The following TRAK2 variants were observed in gnomAD, a reference collection of about 807,000 sequenced individuals.
The protein encoded by TRAK2 is trafficking kinesin protein 2.
In TRAK2, 81 loss-of-function variants were observed where a neutral mutation model predicts 104.6. The observed-to-expected ratio is 0.77, with a 90% CI of 0.65 to 0.93. The LOEUF (loss-of-function observed/expected upper bound fraction) is 0.93, where lower values mean the gene tolerates loss of function less well. Ranked by LOEUF, TRAK2 falls within the 40% of genes least tolerant of loss-of-function variation. The probability of loss-of-function intolerance (pLI) is 0.00; values close to 1 mark genes in which losing one functional copy is unlikely to be tolerated. For synonymous variants in TRAK2, 406 were observed against 394.4 expected (o/e 1.03, Z -0.35); for missense variants, 1,002 against 1,089.0 (o/e 0.92, Z 1.12).
intron 3 of TRAK2, among the ~76,000 whole-genome samples, chr2:201,403,873 A>T (rs1400318258): frequency 2.6e-5 from 4 of 152,204 alleles, no homozygotes; most frequent in African/African-American, 9.6e-5. Flanking sequence ...CAGAATTTTC[A>T]AATTCTTATG....
Position 201,388,037 on chromosome 2 carries a change from G to T in TRAK2, c.1398-36C>A, listed in dbSNP as rs746093372. 3.1e-6 allele frequency: 5 copies of T among 1,605,140 alleles called. No individual in the cohort carries two copies. The Admixed American group carries it at 8.3e-5, about 27-fold the overall frequency. Reference sequence around the variant, plus strand: ...ATCGCGTTCACTGATTAGATCTTGAGGATCATCAGCATGACCCAGACCTCT... The same window carrying T: ...ATCGCGTTCACTGATTAGATCTTGATGATCATCAGCATGACCCAGACCTCT... On this transcript the variant is annotated intron_variant, in intron 12 of 15. Coordinates refer to ENST00000332624, the MANE Select transcript of TRAK2 (RefSeq NM_015049.3).
intron 1 of TRAK2, among the ~76,000 whole-genome samples, chr2:201,422,610 G>A (rs1239147630): frequency 6.6e-6 from 1 of 152,174 alleles, no homozygotes; most frequent in Non-Finnish European, 1.5e-5. Flanking sequence ...GCAAATCCTA[G>A]GGAGGAGAGT....
At chr2:201,410,844 G>A in intron 2 of TRAK2, 1 of 1,601,568 alleles carries the variant, frequency 6.2e-7, no homozygotes, top group Non-Finnish European at 8.6e-7. Context: ...GTCTTTGTTG[G>A]GTTGGCTTCG....
chr2:201,386,886 C>G (rs1456654073), intron 13 of TRAK2, among the ~76,000 whole-genome samples: 1 of 152,108 alleles, frequency 6.6e-6, no homozygotes, highest in African/African-American at 2.4e-5. Flanking sequence ...AGCCAGGCTC[C>G]CAGGGAGAAT....
At chr2:201,402,354 T>C (rs954096512) in intron 3 of TRAK2, among the ~76,000 whole-genome samples, 4 of 152,104 alleles carry the variant, frequency 2.6e-5, no homozygotes, top group African/African-American at 9.7e-5. Flanking sequence ...CTGGCACCAC[T>C]GACTAAAATG....
At chr2:201,443,427 C>T (rs977227375) in intron 1 of TRAK2, among the ~76,000 whole-genome samples, 2 of 152,224 alleles carry the variant, frequency 1.3e-5, no homozygotes, top group African/African-American at 4.8e-5. Flanking sequence ...ATCCCATTCC[C>T]TCCCCTTGGT....
At position 201,394,966 on chromosome 2, in the gene TRAK2, G is replaced by T. The variant is rs1048589326; in HGVS notation, c.901-94C>A. Reference sequence around the variant, plus strand: ...AGACATGTGAAGAATTTCTCTCTGGGGTATCATCTTAAAGCCTACAAAAAG... The same window carrying T: ...AGACATGTGAAGAATTTCTCTCTGGTGTATCATCTTAAAGCCTACAAAAAG... On this transcript the variant is annotated intron_variant, in intron 8 of 15. Transcript: ENST00000332624. The T allele has an allele frequency of 2.1e-5, 23 of 1,112,500 alleles. No homozygotes were observed. In the African/African-American group the frequency reaches 3.3e-4, roughly 16 times the overall value. 68.9% of individuals were successfully genotyped at this position (1,112,500 alleles called of 1,614,324 possible).
chr2:201,388,137 A>G, intron 12 of TRAK2, 136 bp from the exon 13 acceptor site: 3 of 919,504 alleles, frequency 3.3e-6, no homozygotes, highest in Non-Finnish European at 5.2e-6. Context: ...GGAATATAGA[A>G]GTAATAACAA....
At chr2:201,398,929 TTAA>T (rs1472175143) in intron 5 of TRAK2, among the ~76,000 whole-genome samples, 3 of 152,068 alleles carry the variant, frequency 2.0e-5, no homozygotes, top group Admixed American at 6.6e-5. Context: ...ACCATCCAAG[TTAA>T]TAATAAGTCA....
intron 1 of TRAK2, among the ~76,000 whole-genome samples, chr2:201,443,864 T>G (rs944343079): frequency 6.6e-6 from 1 of 152,114 alleles, no homozygotes; most frequent in Non-Finnish European, 1.5e-5. Context: ...CTCCATTCTC[T>G]ATAAGCAGCA....
intron 2 of TRAK2, chr2:201,411,813 A>T (rs2125651281): frequency 2.4e-6 from 2 of 820,352 alleles, no homozygotes; most frequent in East Asian, 4.8e-5. Flanking sequence ...ATTTACAGGA[A>T]CAGCAAGGGA....
At chr2:201,408,111 G>T (rs745517404) in intron 2 of TRAK2, among the ~76,000 whole-genome samples, 1 of 151,996 alleles carries the variant, frequency 6.6e-6, no homozygotes, top group Non-Finnish European at 1.5e-5. Flanking sequence ...CTGTAATTTT[G>T]TATCTGTTAA....
intron 1 of TRAK2, among the ~76,000 whole-genome samples, chr2:201,432,448 C>T (rs901280509): frequency 6.6e-6 from 1 of 152,144 alleles, no homozygotes; most frequent in Admixed American, 6.5e-5. Context: ...AACAACCAAT[C>T]AGGCATGTAT....
chr2:201,386,148 A>G, intron 14 of TRAK2, 70 bp downstream of exon 14: 1 of 1,554,456 alleles, frequency 6.4e-7, no homozygotes, highest in Non-Finnish European at 8.8e-7. Context: ...TAGCCAGCTG[A>G]CTGTCTAGTA....
At chr2:201,444,701 C>A (rs1307554082) in intron 1 of TRAK2, among the ~76,000 whole-genome samples, 2 of 150,946 alleles carry the variant, frequency 1.3e-5, no homozygotes, top group African/African-American at 4.9e-5. Context: ...AAATTAGATG[C>A]CAAGTTAGAG....
chr2:201,431,527 T>C (rs1951842254), intron 1 of TRAK2, among the ~76,000 whole-genome samples: 1 of 152,242 alleles, frequency 6.6e-6, no homozygotes, highest in African/African-American at 2.4e-5. Flanking sequence ...AGTTTCTCTC[T>C]GCTTCTACTG....
rs1265506835 is a variant in TRAK2, at chr2:201,389,351, G to A, written c.1346C>T (p.Thr449Ile). 6 of 1,614,154 alleles carry A rather than the reference G, an allele frequency of 3.7e-6. No homozygotes were observed. In the East Asian group the frequency reaches 6.7e-5, roughly 18 times the overall value. ...CTGGTTCAGGAGTGATTTGTCCTCT[G>A]TTTGCTGAAGACCAGACTCAAAAGG... Reference protein sequence around the residue: ...AKPFESGLQQTEDKSLLNQGS... With the variant: ...AKPFESGLQQIEDKSLLNQGS... The change falls in exon 12 of 16, where the codon ACA becomes ATA. Residue 449 changes from threonine to isoleucine, a missense_variant. By Grantham distance (89) the Thr-to-Ile change is moderately conservative. Transcript: ENST00000332624.
chr2:201,421,550 G>A (rs978946748), intron 1 of TRAK2, among the ~76,000 whole-genome samples: 2 of 151,562 alleles, frequency 1.3e-5, no homozygotes, highest in African/African-American at 4.8e-5. Flanking sequence ...TCCAGACATT[G>A]TCAGATGTCC....
chr2:201,433,821 T>C (rs1264356975), intron 1 of TRAK2, among the ~76,000 whole-genome samples: 1 of 152,206 alleles, frequency 6.6e-6, no homozygotes, highest in Non-Finnish European at 1.5e-5. Context: ...ACCTTCACCT[T>C]TGACTGAACA....
Sources: gnomAD v4.1 joint callset for allele counts (sites outside exome capture counted in the v4.1 genomes callset) on GRCh38, gnomAD v4.1.1 for gene constraint, MANE v1.5 for transcripts, NCBI Gene and HGNC (gene_info 2026-07-23, HGNC 2026-07-21) for gene names.